Variants in STOX2 observed in about 807,000 individuals in gnomAD.
STOX2 encodes the protein storkhead box 2.
STOX2 carries 28 observed loss-of-function variants against 60.9 expected under a neutral mutation model. That is an observed-to-expected ratio of 0.46 (90% CI 0.34 to 0.63). The LOEUF (loss-of-function observed/expected upper bound fraction) is 0.63. STOX2 is among the 30% of genes least tolerant of loss of function. The pLI is 0.01. For missense variants in STOX2, 1,024 were observed against 1,187.7 expected (o/e 0.86, Z 2.03); for synonymous variants, 472 against 463.9 (o/e 1.02, Z -0.22).
intron 1 of STOX2, among the ~76,000 whole-genome samples, chr4:183,923,130 A>G (rs1042863098): frequency 1.3e-5 from 2 of 152,198 alleles, no homozygotes; most frequent in South Asian, 2.1e-4. Flanking sequence ...CAGTTCCTTT[A>G]TGTACATACC....
At chr4:183,973,839 C>CA (rs1454200970) in intron 1 of STOX2, among the ~76,000 whole-genome samples, 2 of 152,084 alleles carry the variant, frequency 1.3e-5, no homozygotes, top group Non-Finnish European at 2.9e-5. Context: ...ACTAAAAATA[C>CA]AAAAATTAGC....
At chr4:184,008,465 C>A (rs1733977058) in intron 2 of STOX2, among the ~76,000 whole-genome samples, 1 of 152,128 alleles carries the variant, frequency 6.6e-6, no homozygotes, top group South Asian at 2.1e-4. Flanking sequence ...TATTAGGGCT[C>A]TTTGGTTAGA....
chr4:183,929,016 T>G (rs1279146604), intron 1 of STOX2, among the ~76,000 whole-genome samples: 1 of 152,208 alleles, frequency 6.6e-6, no homozygotes, highest in African/African-American at 2.4e-5. Flanking sequence ...GCGTAACTCC[T>G]GTAACCGTCT....
At chr4:183,877,477 G>C (rs1455710900) in intron 1 of STOX2, among the ~76,000 whole-genome samples, 4 of 152,174 alleles carry the variant, frequency 2.6e-5, no homozygotes, top group Non-Finnish European at 4.4e-5. Context: ...CAATGGATCA[G>C]AGCATATAGA....
intron 1 of STOX2, among the ~76,000 whole-genome samples, chr4:183,882,265 T>A (rs957332590): frequency 6.6e-6 from 1 of 152,234 alleles, no homozygotes; most frequent in Admixed American, 6.5e-5. Flanking sequence ...TTCCCTGTTT[T>A]TCTGTGTGTG....
chr4:183,846,331 A>G (rs1739989612), intron 1 of STOX2, among the ~76,000 whole-genome samples: 1 of 151,832 alleles, frequency 6.6e-6, no homozygotes, highest in Non-Finnish European at 1.5e-5. Context: ...GTGTAGATTC[A>G]TGCTTGGCCA....
intron 1 of STOX2, among the ~76,000 whole-genome samples, chr4:183,976,268 C>T (rs544626155): frequency 2.0e-5 from 3 of 152,014 alleles, no homozygotes; most frequent in Non-Finnish European, 4.4e-5. Flanking sequence ...GCCAAGATTG[C>T]GCCACTGCAC....
chr4:183,996,494 C>G (rs1033815986), intron 1 of STOX2, among the ~76,000 whole-genome samples: 7 of 152,234 alleles, frequency 4.6e-5, no homozygotes, highest in African/African-American at 1.7e-4. Flanking sequence ...GCAGTACCTA[C>G]ATTCTCCTTT....
intron 1 of STOX2, among the ~76,000 whole-genome samples, chr4:183,809,884 G>A (rs1738996758): frequency 6.6e-6 from 1 of 152,168 alleles, no homozygotes; most frequent in Admixed American, 6.5e-5. Context: ...TTTAAGTGCT[G>A]TTTCCCTCTG....
At chr4:183,876,360 T>C (rs1212117586) in intron 1 of STOX2, among the ~76,000 whole-genome samples, 1 of 152,170 alleles carries the variant, frequency 6.6e-6, no homozygotes, top group Non-Finnish European at 1.5e-5. Context: ...CCTGGGCTCC[T>C]TTCCTTTGGG....
intron 1 of STOX2, among the ~76,000 whole-genome samples, chr4:183,965,692 G>A (rs59823756): frequency 1.3e-5 from 2 of 152,026 alleles, no homozygotes; most frequent in African/African-American, 4.8e-5. Context: ...AAGCTCATTC[G>A]GGCACTTATG....
At chr4:183,885,971 C>T (rs1235351655) in intron 1 of STOX2, among the ~76,000 whole-genome samples, 4 of 152,202 alleles carry the variant, frequency 2.6e-5, no homozygotes, top group African/African-American at 9.6e-5. Context: ...TGGAGGCCCA[C>T]ATAACAGGGT....
chr4:183,854,203 T>G (rs923226240), intron 1 of STOX2, among the ~76,000 whole-genome samples: 5 of 152,242 alleles, frequency 3.3e-5, no homozygotes, highest in Admixed American at 2.0e-4. Flanking sequence ...TCTTGAATAA[T>G]GAATTGGTTC....
intron 1 of STOX2, among the ~76,000 whole-genome samples, chr4:183,875,435 G>T (rs1181488375): frequency 1.3e-5 from 2 of 152,152 alleles, no homozygotes; most frequent in South Asian, 2.1e-4. Context: ...TTTCTAGGGA[G>T]AGTCTGTGTT....
In STOX2 at chr4:184,010,166, C is replaced by T; in HGVS notation, c.1328C>T (p.Ser443Phe). 1 of 1,558,804 alleles carries T rather than the reference C, an allele frequency of 6.4e-7. No homozygotes were observed. Among genetic ancestry groups the T allele is most frequent in the South Asian group, 1.2e-5 (1 of 84,742 alleles). Residue 443 changes from serine to phenylalanine, a missense_variant, in exon 3 of 4, where the codon TCT becomes TTT. Around this residue, in one of 3 missense-constraint regions of STOX2, gnomAD observed 922 missense variants for 1,058.3 expected, o/e 0.87. Coordinates refer to ENST00000308497, the MANE Select transcript of STOX2 (RefSeq NM_020225.3). This position sits in a 1 kb window ranked among gnomAD's most constrained non-coding sequence, Gnocchi z 4.5. Reference sequence around the variant, plus strand: ...CCCATGACACCAGAATGGGATGTGTCTGGTGAATTGGCTAAAAGGAGAACT... The same window carrying T: ...CCCATGACACCAGAATGGGATGTGTTTGGTGAATTGGCTAAAAGGAGAACT... ...HFPMTPEWDV[S>F]GELAKRRTEM...
At chr4:183,954,498 C>T (rs1331584790) in intron 1 of STOX2, among the ~76,000 whole-genome samples, 1 of 152,010 alleles carries the variant, frequency 6.6e-6, no homozygotes, top group Non-Finnish European at 1.5e-5. Flanking sequence ...CCATGTTGGC[C>T]AGGCTAGTCT....
At chr4:183,939,040 CTG>C in intron 1 of STOX2, among the ~76,000 whole-genome samples, 1 of 152,272 alleles carries the variant, frequency 6.6e-6, no homozygotes, top group Non-Finnish European at 1.5e-5. Flanking sequence ...GAATAGAAGA[CTG>C]TTTTCAGATT....
intron 1 of STOX2, among the ~76,000 whole-genome samples, chr4:183,930,500 C>T (rs1397385989): frequency 7.5e-6 from 1 of 133,424 alleles, no homozygotes; most frequent in Non-Finnish European, 1.5e-5. Flanking sequence ...CCACCATGCC[C>T]CTTTTTTTTT....
intron 1 of STOX2, among the ~76,000 whole-genome samples, chr4:183,979,550 A>G (rs1211217606): frequency 3.3e-5 from 5 of 152,218 alleles, no homozygotes; most frequent in South Asian, 2.1e-4. Context: ...CCAGCATTGT[A>G]AATACTAGCT....
Sources: gnomAD v4.1 joint callset for allele counts (sites outside exome capture counted in the v4.1 genomes callset) on GRCh38, gnomAD v4.1.1 for gene constraint, gnomAD v4.1.1 regional missense constraint, Gnocchi (gnomAD v3.1) non-coding constraint, MANE v1.5 for transcripts, NCBI Gene and HGNC (gene_info 2026-07-23, HGNC 2026-07-21) for gene names.